The following KLRF2 variants were observed in gnomAD, a reference collection of about 807,000 sequenced individuals.
KLRF2 encodes killer cell lectin-like receptor subfamily F member 2.
In KLRF2, 28 loss-of-function variants were observed where a neutral mutation model predicts 25.3. The observed-to-expected ratio is 1.11, with a 90% CI of 0.82 to 1.52. KLRF2 has a LOEUF of 1.52. KLRF2 is among the 40% of genes most tolerant of loss of function. The probability of loss-of-function intolerance (pLI) is 0.00; values close to 1 mark genes in which losing one functional copy is unlikely to be tolerated. For synonymous variants in KLRF2, 73 were observed against 85.0 expected, an observed-to-expected ratio of 0.86 and a Z score of 0.78; for missense variants, 265 against 245.8, an observed-to-expected ratio of 1.08 and a Z score of -0.52.
intron 1 of KLRF2, among the ~76,000 whole-genome samples, chr12:9,883,341 C>T (rs917566709): frequency 5.9e-5 from 9 of 152,176 alleles, no homozygotes; most frequent in Non-Finnish European, 1.2e-4. Flanking sequence ...AAGACAATTT[C>T]TTCATATAGC....
chr12:9,895,552 T>A, intron 5 of KLRF2, 137 bp from the exon 6 acceptor site: 1 of 718,576 alleles, frequency 1.4e-6, no homozygotes, highest in Non-Finnish European at 2.2e-6. Context: ...GCATTAGCAA[T>A]GAAAATTCCA....
chr12:9,892,167 G>A (rs181120169), intron 3 of KLRF2, among the ~76,000 whole-genome samples: 141 of 152,206 alleles, frequency 9.3e-4, no homozygotes, highest in Admixed American at 2.6e-4. Context: ...AGAAATTGAC[G>A]GTTCAAGGCT....
intron 2 of KLRF2, among the ~76,000 whole-genome samples, chr12:9,886,329 T>C (rs1341047320): frequency 6.6e-6 from 1 of 152,030 alleles, no homozygotes; most frequent in Admixed American, 6.6e-5. Flanking sequence ...CTCCCAATAA[T>C]CTATCCATAG....
chr12:9,895,260 C>T (rs1862743251), intron 5 of KLRF2, among the ~76,000 whole-genome samples: 1 of 152,134 alleles, frequency 6.6e-6, no homozygotes, highest in African/African-American at 2.4e-5. Context: ...ATTATTTATG[C>T]TGCTATGTGG....
intron 1 of KLRF2, among the ~76,000 whole-genome samples, chr12:9,882,075 G>C (rs1044136021): frequency 3.3e-5 from 5 of 151,706 alleles, no homozygotes; most frequent in Admixed American, 6.6e-5. Flanking sequence ...CTATAGGATT[G>C]GTAGAACAAT....
intron 3 of KLRF2, among the ~76,000 whole-genome samples, chr12:9,889,959 T>C (rs1040342265): frequency 1.3e-5 from 2 of 152,120 alleles, no homozygotes; most frequent in Non-Finnish European, 2.9e-5. Flanking sequence ...TATACTTAAA[T>C]TTTTATTACA....
intron 2 of KLRF2, among the ~76,000 whole-genome samples, chr12:9,887,674 T>C (rs1862613859): frequency 6.6e-6 from 1 of 151,350 alleles, no homozygotes; most frequent in Non-Finnish European, 1.5e-5. Flanking sequence ...AAACAAACTA[T>C]AAATAATGCA....
rs184962554 is a variant in KLRF2, at chr12:9,895,018, G to T, written c.480-671G>T. ...TTAAATAATCATTAGTAACTAGAAA[G>T]AATAGTTTACAAAATAGCTCTCTTC... On this transcript the variant is annotated intron_variant, in intron 5 of 5. Transcript: ENST00000535540. 7.9e-5 allele frequency among the ~76,000 whole-genome samples: 12 copies of T among 152,250 alleles called. No homozygotes were observed. In the East Asian group the frequency reaches 2.3e-3, roughly 29 times the overall value.
chr12:9,884,907 C>T lies in KLRF2; in HGVS notation c.71-27C>T, dbSNP rs1356761432. The T allele has an allele frequency of 6.6e-6, 5 of 762,688 alleles. No individual in the cohort carries two copies. In the African/African-American group the frequency reaches 9.1e-5, roughly 14 times the overall value. The allele number at this position is 762,688 out of a possible 1,614,324, so 47.2% of individuals were successfully genotyped here. A position where few individuals can be genotyped will look rare whatever the true frequency, so the allele number is the denominator to read the frequency against. ...AAAATATTTATAAAGTGAATAATCA[C>T]AAGAATTCTAAAATTCAACATTTCA... is the stretch of plus-strand genomic sequence containing the variant. On this transcript the variant is annotated intron_variant, in intron 1 of 5. Coordinates refer to ENST00000535540, the MANE Select transcript of KLRF2 (RefSeq NM_001190765.1).
At chr12:9,893,316 TAATG>T in intron 4 of KLRF2, 109 bp from the exon 5 acceptor site, 1 of 843,180 alleles carries the variant, frequency 1.2e-6, no homozygotes, top group East Asian at 2.7e-5. Flanking sequence ...AAAAAAATGC[TAATG>T]TATATGAAAA....
Position 9,893,446 on chromosome 12 carries a change from T to A in KLRF2, c.384T>A (p.Ser128Arg). 1 of 1,483,284 alleles carries A rather than the reference T, an allele frequency of 6.7e-7. No individual in the cohort carries two copies. The allele number at this position is 1,483,284 out of a possible 1,614,324, so 91.9% of individuals were successfully genotyped here. A position where few individuals can be genotyped will look rare whatever the true frequency, so the allele number is the denominator to read the frequency against. ...TTCTGCAGGAGTTCATACAGAACAG[T>A]TTAAAACCTGGACATTTTGGTTGGA... ...NLDELEFIQN[S>R]LKPGHFGWIG... The change falls in exon 5 of 6, where the codon AGT becomes AGA. Residue 128 changes from serine (S) to arginine (R), a missense_variant. Ser to Arg is a moderately radical substitution (Grantham distance 110). Transcript: ENST00000535540.
At position 9,895,672 on chromosome 12, in the gene KLRF2, T is replaced by C. The variant is rs1182145382; in HGVS notation, c.480-17T>C. On this transcript the variant is annotated splice_polypyrimidine_tract_variant and intron_variant, in intron 5 of 5. Transcript: ENST00000535540. ...ATTTTAAGATAAATGCTGAAAAATC[T>C]GTCCTTTGTCTCTTAGGTTTTCAGT... 1 of 1,499,314 alleles carries C rather than the reference T, an allele frequency of 6.7e-7. No homozygotes were observed. The highest frequency in any genetic ancestry group is 8.8e-7 in the Non-Finnish European group (1 of 1,135,006). The allele number at this position is 1,499,314 out of a possible 1,614,324, so 92.9% of individuals were successfully genotyped here. A position where few individuals can be genotyped will look rare whatever the true frequency, so the allele number is the denominator to read the frequency against.
intron 3 of KLRF2, among the ~76,000 whole-genome samples, chr12:9,890,168 A>G (rs1172886767): frequency 6.6e-6 from 1 of 152,214 alleles, no homozygotes; most frequent in African/African-American, 2.4e-5. Context: ...TGAATCTTAT[A>G]GCTAAAGGCT....
Position 9,884,927 on chromosome 12 carries a change from A to C in KLRF2, c.71-7A>C. The C allele has an allele frequency of 9.8e-7, 1 of 1,018,408 alleles. No homozygotes were observed. Among genetic ancestry groups the C allele is most frequent in the South Asian group, 2.4e-5 (1 of 40,828 alleles). 63.1% of individuals were successfully genotyped at this position (1,018,408 alleles called of 1,614,324 possible). A position where few individuals can be genotyped will look rare whatever the true frequency, so the allele number is the denominator to read the frequency against. On this transcript the variant is annotated splice_region_variant and splice_polypyrimidine_tract_variant and intron_variant, in intron 1 of 5. Coordinates refer to ENST00000535540, the MANE Select transcript of KLRF2 (RefSeq NM_001190765.1). The stretch of plus-strand genomic sequence containing the variant: ...AATCACAAGAATTCTAAAATTCAAC[A>C]TTTCAGATTTCTCCCTATATCCACA...
chr12:9,894,091 TTC>T (rs1441893289), intron 5 of KLRF2, among the ~76,000 whole-genome samples: 1 of 150,960 alleles, frequency 6.6e-6, no homozygotes, highest in East Asian at 2.0e-4. Flanking sequence ...CTCTTCTTCT[TTC>T]TCTTTCTCTC....
At chr12:9,894,194 T>TC (rs141443152) in intron 5 of KLRF2, among the ~76,000 whole-genome samples, 182 of 151,490 alleles carry the variant, frequency 1.2e-3, no homozygotes, top group African/African-American at 4.2e-3. Context: ...TTTCTTTCTT[T>TC]TTTTTTCAGC....
chr12:9,894,007 T>C (rs955117417), intron 5 of KLRF2, among the ~76,000 whole-genome samples: 1 of 152,076 alleles, frequency 6.6e-6, no homozygotes, highest in African/African-American at 2.4e-5. Flanking sequence ...AACTTGTTGA[T>C]ATCCATTTCT....
chr12:9,884,045 T>C (rs1268226147), intron 1 of KLRF2, among the ~76,000 whole-genome samples: 1 of 152,172 alleles, frequency 6.6e-6, no homozygotes, highest in African/African-American at 2.4e-5. Flanking sequence ...ACTAAAATGA[T>C]TGTAGATTGA....
At chr12:9,892,880 G>C (rs1738801066) in intron 3 of KLRF2, 140 bp from the exon 4 acceptor site, 5 of 654,338 alleles carry the variant, frequency 7.6e-6, no homozygotes, top group Admixed American at 3.0e-5. Context: ...CACCGCGCCT[G>C]GTCTGAACTC....
Sources: gnomAD v4.1 joint callset for allele counts (sites outside exome capture counted in the v4.1 genomes callset) on GRCh38, gnomAD v4.1.1 for gene constraint, MANE v1.5 for transcripts, NCBI Gene and HGNC (gene_info 2026-07-23, HGNC 2026-07-21) for gene names.